Variants in ITGA1 observed in about 807,000 individuals in gnomAD.
ITGA1 encodes the protein integrin subunit alpha 1.
Under a neutral mutation model 145.9 loss-of-function variants are expected in ITGA1, and 85 were observed. That is an observed-to-expected ratio of 0.58 (90% CI 0.49 to 0.70). The LOEUF is 0.70. Ranked by LOEUF, ITGA1 falls within the 30% of genes least tolerant of loss-of-function variation. ITGA1 has a pLI of 0.00. For synonymous variants in ITGA1, 520 were observed against 495.3 expected (o/e 1.05, Z -0.66); for missense variants, 1,351 against 1,418.7 (o/e 0.95, Z 0.77).
chr5:52,865,677 C>T lies in ITGA1; in HGVS notation c.497-13C>T, dbSNP rs755580070. 13 of 1,510,834 alleles carry T rather than the reference C, an allele frequency of 8.6e-6. No homozygotes were observed. The highest frequency in any genetic ancestry group is 1.1e-5 in the Non-Finnish European group (12 of 1,136,322). The allele number at this position is 1,510,834 out of a possible 1,614,324, so 93.6% of individuals were successfully genotyped here. On this transcript the variant is annotated splice_polypyrimidine_tract_variant and intron_variant, in intron 5 of 28. Transcript: ENST00000282588. ...TAGATTCCAAATTTGACAATTGACTCCTTTTATTGCAGAATGCAGCACTCA... is the reference window on the plus strand; with the variant it reads ...TAGATTCCAAATTTGACAATTGACTTCTTTTATTGCAGAATGCAGCACTCA...
At chr5:52,873,919 C>T (rs1459798953) in intron 6 of ITGA1, among the ~76,000 whole-genome samples, 3 of 152,020 alleles carry the variant, frequency 2.0e-5, no homozygotes, top group Non-Finnish European at 2.9e-5. Context: ...TGGTGTAACC[C>T]TGACTTAACA....
intron 7 of ITGA1, among the ~76,000 whole-genome samples, chr5:52,886,796 C>T (rs1006486760): frequency 5.3e-5 from 8 of 151,918 alleles, no homozygotes; most frequent in Non-Finnish European, 8.8e-5. Flanking sequence ...GTTTTTGAGA[C>T]GGGAAGGTGT....
chr5:52,889,164 G>C (rs567265998), intron 8 of ITGA1, among the ~76,000 whole-genome samples: 2 of 150,078 alleles, frequency 1.3e-5, no homozygotes, highest in Non-Finnish European at 2.9e-5. Flanking sequence ...GAAGTGGCAC[G>C]ATCTCGGCTC....
chr5:52,834,270 A>G (rs1218498677), intron 1 of ITGA1, among the ~76,000 whole-genome samples: 1 of 152,164 alleles, frequency 6.6e-6, no homozygotes, highest in African/African-American at 2.4e-5. Context: ...CTGGGTGGCT[A>G]ATATAACAGA....
chr5:52,812,261 TC>T (rs1748693584), intron 1 of ITGA1, among the ~76,000 whole-genome samples: 1 of 152,174 alleles, frequency 6.6e-6, no homozygotes, highest in East Asian at 1.9e-4. Flanking sequence ...CCAAAACCGA[TC>T]AATTTGTGAA....
chr5:52,912,513 AT>A, intron 14 of ITGA1, among the ~76,000 whole-genome samples: 1 of 126,406 alleles, frequency 7.9e-6, no homozygotes, highest in East Asian at 2.2e-4. Context: ...CACTATAGGT[AT>A]TATATATAGT....
intron 1 of ITGA1, among the ~76,000 whole-genome samples, chr5:52,825,942 A>G (rs2111712160): frequency 6.6e-6 from 1 of 151,818 alleles, no homozygotes; most frequent in East Asian, 1.9e-4. Context: ...AAAAGGAAAG[A>G]AGTTAGTCTA....
chr5:52,840,353 G>A (rs1486926828), intron 1 of ITGA1, among the ~76,000 whole-genome samples: 1 of 152,202 alleles, frequency 6.6e-6, no homozygotes, highest in East Asian at 1.9e-4. Flanking sequence ...TGCAGTCACG[G>A]AAATTAATGA....
At chr5:52,797,243 T>G (rs1748361938) in intron 1 of ITGA1, among the ~76,000 whole-genome samples, 1 of 152,038 alleles carries the variant, frequency 6.6e-6, no homozygotes, top group African/African-American at 2.4e-5. Flanking sequence ...TATGAAAGAT[T>G]TTATAGTATA....
chr5:52,936,352 G>A (rs1474845718), intron 23 of ITGA1, among the ~76,000 whole-genome samples: 1 of 152,216 alleles, frequency 6.6e-6, no homozygotes, highest in African/African-American at 2.4e-5. Flanking sequence ...TAGGGAGCAT[G>A]TTTAAGGGTC....
At chr5:52,843,164 G>T (rs1201390364) in intron 1 of ITGA1, among the ~76,000 whole-genome samples, 1 of 151,960 alleles carries the variant, frequency 6.6e-6, no homozygotes, top group Non-Finnish European at 1.5e-5. Flanking sequence ...TACCACCAAA[G>T]AATTTGCCCT....
intron 2 of ITGA1, among the ~76,000 whole-genome samples, chr5:52,850,442 C>G (rs1749412193): frequency 6.6e-6 from 1 of 152,138 alleles, no homozygotes; most frequent in East Asian, 1.9e-4. Flanking sequence ...AGAGCAGTAG[C>G]TAAACTTTAG....
At chr5:52,841,198 C>G (rs572466710) in intron 1 of ITGA1, among the ~76,000 whole-genome samples, 1 of 152,210 alleles carries the variant, frequency 6.6e-6, no homozygotes, top group South Asian at 2.1e-4. Context: ...ATTTCTTGAG[C>G]CAGATTTTCT....
At chr5:52,830,616 C>T (rs961445291) in intron 1 of ITGA1, among the ~76,000 whole-genome samples, 8 of 152,064 alleles carry the variant, frequency 5.3e-5, no homozygotes, top group African/African-American at 9.7e-5. Context: ...TCTTTTTATA[C>T]TTTTAAATTA....
chr5:52,867,029 T>TC (rs1749698596), intron 6 of ITGA1: 1 of 151,840 alleles, frequency 6.6e-6, no homozygotes, highest in Non-Finnish European at 1.5e-5. Flanking sequence ...TTTTTTTTTT[T>TC]TTTCTGAGGA....
intron 1 of ITGA1, chr5:52,802,680 ATAT>A (rs1748513204): frequency 6.6e-6 from 1 of 152,124 alleles, no homozygotes; most frequent in South Asian, 2.1e-4. Flanking sequence ...AAAACATGCT[ATAT>A]TATTTATTTA....
Position 52,788,302 on chromosome 5 carries a change from G to A in ITGA1, c.-52G>A. ...GCCAGAGAGCGCAGCTCCCGCGCCCGGTCCTGCCCTGCGAACCAGCGCGGC... is the reference window on the plus strand; with the variant it reads ...GCCAGAGAGCGCAGCTCCCGCGCCCAGTCCTGCCCTGCGAACCAGCGCGGC... On this transcript the variant is annotated 5_prime_UTR_variant, in exon 1 of 29. Transcript: ENST00000282588. The A allele has an allele frequency of 2.9e-6, 4 of 1,392,796 alleles. No homozygotes were observed. The highest frequency in any genetic ancestry group is 3.7e-6 in the Non-Finnish European group (4 of 1,067,120). 86.3% of individuals were successfully genotyped at this position (1,392,796 alleles called of 1,614,324 possible).
chr5:52,939,069 A>G (rs1198320337), intron 24 of ITGA1, among the ~76,000 whole-genome samples: 1 of 151,854 alleles, frequency 6.6e-6, no homozygotes, highest in Non-Finnish European at 1.5e-5. Context: ...CACCCAACTA[A>G]TTTTTGTATT....
chr5:52,841,999 T>C (rs1749261614), intron 1 of ITGA1, among the ~76,000 whole-genome samples: 1 of 152,174 alleles, frequency 6.6e-6, no homozygotes, highest in Non-Finnish European at 1.5e-5. Context: ...AGATATGCTG[T>C]CTGATTCTCA....
Sources: gnomAD v4.1 joint callset for allele counts (sites outside exome capture counted in the v4.1 genomes callset) on GRCh38, gnomAD v4.1.1 for gene constraint, MANE v1.5 for transcripts, NCBI Gene and HGNC (gene_info 2026-07-23, HGNC 2026-07-21) for gene names.